The following COL14A1 variants were observed in gnomAD, a reference collection of about 807,000 sequenced individuals.
COL14A1 encodes the protein collagen alpha-1(XIV) chain.
A neutral mutation model predicts 230.3 loss-of-function variants in COL14A1; 136 were observed. That is an observed-to-expected ratio of 0.59 (90% CI 0.51 to 0.68). COL14A1 has a LOEUF of 0.68. Among genes scored for constraint, COL14A1 ranks in the 30% least tolerant of loss-of-function variants. The pLI is 0.00. For synonymous variants in COL14A1, 792 were observed against 784.1 expected (o/e 1.01, Z -0.17); for missense variants, 1,976 against 2,215.8 (o/e 0.89, Z 2.17).
chr8:120,273,769 C>T (rs1289813503), intron 26 of COL14A1, among the ~76,000 whole-genome samples: 1 of 148,348 alleles, frequency 6.7e-6, no homozygotes, highest in Non-Finnish European at 1.5e-5. Context: ...CAACAACAGG[C>T]AGTGAGATTG....
At chr8:120,300,212 C>G (rs1168206323) in intron 35 of COL14A1, among the ~76,000 whole-genome samples, 1 of 152,126 alleles carries the variant, frequency 6.6e-6, no homozygotes, top group Non-Finnish European at 1.5e-5. Context: ...TTACTTTCAA[C>G]CACAGAATGT....
At chr8:120,314,063 G>T in intron 38 of COL14A1, 36 bp downstream of exon 38, 1 of 1,423,900 alleles carries the variant, frequency 7.0e-7, no homozygotes, top group Non-Finnish European at 9.7e-7. Flanking sequence ...GGGTTTTATT[G>T]TTATCTCTTT....
At chr8:120,169,552 C>T (rs7015331) in intron 5 of COL14A1, among the ~76,000 whole-genome samples, 98,725 of 151,838 alleles carry the variant, frequency 0.65, 32,629 homozygotes, top group African/African-American at 0.76. Flanking sequence ...TTAATGAACA[C>T]ATAAAAACTT....
chr8:120,182,523 T>C (rs2219244), intron 5 of COL14A1, among the ~76,000 whole-genome samples: 51,882 of 151,928 alleles, frequency 0.34, 9,632 homozygotes, highest in Admixed American at 0.48. Context: ...AGCCAGATCA[T>C]GTAGTATTAT....
chr8:120,370,750 CT>C (rs1289744232), intron 47 of COL14A1: 1 of 1,384,776 alleles, frequency 7.2e-7, no homozygotes, highest in East Asian at 4.0e-5. Context: ...GGATGGGCAT[CT>C]TTCTCCTTGA....
In COL14A1 at chr8:120,278,497, A is replaced by C. The variant is rs762732601; in HGVS notation, c.3400A>C (p.Ile1134Leu). ...FTAESGTRRGIPKVIVVITDG... is the reference protein window; with the variant it reads ...FTAESGTRRGLPKVIVVITDG... ...TGCAGAGTCAGGTACAAGAAGGGGC[A>C]TCCCAAAGGTTATCGTGGTTATAAC... The change falls in exon 28 of 48, where the codon ATC (isoleucine) becomes CTC (leucine). Residue 1134 changes from isoleucine (I) to leucine (L), a missense_variant. By Grantham distance (5) the Ile-to-Leu change is conservative. This residue lies in a region of COL14A1 where 1,791 missense variants were observed against 2,019.5 expected (regional missense o/e 0.89). Transcript: ENST00000297848. 9 of 1,613,272 alleles carry C rather than the reference A, an allele frequency of 5.6e-6. No homozygotes were observed. The highest frequency in any genetic ancestry group is 6.8e-6 in the Non-Finnish European group (8 of 1,179,536).
intron 5 of COL14A1, among the ~76,000 whole-genome samples, chr8:120,192,171 C>A (rs1210152703): frequency 6.6e-6 from 1 of 152,210 alleles, no homozygotes; most frequent in Non-Finnish European, 1.5e-5. Context: ...CATGATTTTG[C>A]AGTGGCTGGT....
chr8:120,157,213 G>T (rs1815508935), intron 2 of COL14A1, among the ~76,000 whole-genome samples: 1 of 152,222 alleles, frequency 6.6e-6, no homozygotes, highest in African/African-American at 2.4e-5. Context: ...CATGTGCTTT[G>T]TATCTTTCTG....
chr8:120,276,364 A>G (rs2129866267), intron 26 of COL14A1, among the ~76,000 whole-genome samples: 1 of 149,190 alleles, frequency 6.7e-6, no homozygotes, highest in African/African-American at 2.5e-5. Context: ...CAGAGTGGGG[A>G]GGGTGGAAGG....
intron 40 of COL14A1, among the ~76,000 whole-genome samples, chr8:120,320,066 C>A (rs1030691857): frequency 6.6e-6 from 1 of 151,684 alleles, no homozygotes; most frequent in Non-Finnish European, 1.5e-5. Context: ...AGTCCCCACC[C>A]TAGACATCAG....
At chr8:120,241,796 T>G (rs1159814223) in intron 19 of COL14A1, among the ~76,000 whole-genome samples, 1 of 152,172 alleles carries the variant, frequency 6.6e-6, no homozygotes, top group East Asian at 1.9e-4. Flanking sequence ...GGTTTCGGTA[T>G]GGCTCTTTTA....
intron 5 of COL14A1, among the ~76,000 whole-genome samples, chr8:120,192,279 G>C (rs944272729): frequency 2.0e-5 from 3 of 152,146 alleles, no homozygotes; most frequent in Non-Finnish European, 2.9e-5. Context: ...TGTCTTTAAA[G>C]TATTTTATTT....
chr8:120,235,423 C>A (rs1259662539), intron 19 of COL14A1, among the ~76,000 whole-genome samples: 1 of 152,112 alleles, frequency 6.6e-6, no homozygotes, highest in East Asian at 1.9e-4. Flanking sequence ...CCTGCCTTGG[C>A]CTCCCAAAGT....
At chr8:120,231,066 G>A (rs1818253347) in intron 18 of COL14A1, among the ~76,000 whole-genome samples, 1 of 152,178 alleles carries the variant, frequency 6.6e-6, no homozygotes, top group Admixed American at 6.5e-5. Context: ...ATGCTGGATT[G>A]CACACAGAGG....
At chr8:120,163,154 C>T (rs1014877875) in intron 4 of COL14A1, among the ~76,000 whole-genome samples, 9 of 152,174 alleles carry the variant, frequency 5.9e-5, no homozygotes, top group Non-Finnish European at 1.3e-4. Context: ...AATTGTTAAT[C>T]AGTTGACACA....
chr8:120,173,680 A>G (rs1197446643), intron 5 of COL14A1, among the ~76,000 whole-genome samples: 3 of 151,422 alleles, frequency 2.0e-5, no homozygotes, highest in Non-Finnish European at 2.9e-5. Flanking sequence ...CTATCTATCT[A>G]TCTATCTATC....
At chr8:120,272,864 C>T (rs1169485298) in intron 26 of COL14A1, among the ~76,000 whole-genome samples, 1 of 151,756 alleles carries the variant, frequency 6.6e-6, no homozygotes, top group Non-Finnish European at 1.5e-5. Flanking sequence ...TAACACTCCA[C>T]TAGCAGCACT....
intron 1 of COL14A1, among the ~76,000 whole-genome samples, chr8:120,137,349 TC>T (rs139440633): frequency 0.01 from 1,594 of 152,318 alleles, 28 homozygotes; most frequent in African/African-American, 0.036. Context: ...TGTGTTTCAA[TC>T]TTTGTTCCTT....
At position 120,278,253 on chromosome 8, in the gene COL14A1, C is replaced by T; in HGVS notation, c.3337+19C>T. The T allele has an allele frequency of 2.5e-6, 4 of 1,590,416 alleles. No individual in the cohort carries two copies. Among genetic ancestry groups the T allele is most frequent in the Non-Finnish European group, 3.4e-6 (4 of 1,172,210 alleles). On this transcript the variant is annotated intron_variant, in intron 27 of 47. Coordinates refer to ENST00000297848, the MANE Select transcript of COL14A1 (RefSeq NM_021110.4). ...AAAACAGGTATGACCAAAAGAAGCC[C>T]AGCTAAGGCTCAAAGTAATTCATTA...
Sources: gnomAD v4.1 joint callset for allele counts (sites outside exome capture counted in the v4.1 genomes callset) on GRCh38, gnomAD v4.1.1 for gene constraint, gnomAD v4.1.1 regional missense constraint, MANE v1.5 for transcripts, NCBI Gene and HGNC (gene_info 2026-07-23, HGNC 2026-07-21) for gene names.